LRRTM3: variants seen among roughly 807,000 people sequenced by gnomAD.
LRRTM3 encodes leucine rich repeat transmembrane neuronal 3, also known as leucine-rich repeat transmembrane neuronal protein 3.
In LRRTM3, 24 loss-of-function variants were observed where a neutral mutation model predicts 44.7. The observed-to-expected ratio is 0.54, with a 90% CI of 0.39 to 0.76. LRRTM3 has a LOEUF of 0.76. Ranked by LOEUF, LRRTM3 falls within the 30% of genes least tolerant of loss-of-function variation. The pLI is 0.00. For missense variants in LRRTM3, 587 were observed against 702.2 expected (o/e 0.84, Z 1.85); for synonymous variants, 277 against 278.7 (o/e 0.99, Z 0.06).
intron 2 of LRRTM3, among the ~76,000 whole-genome samples, chr10:67,025,715 C>T (rs1363176381): frequency 6.6e-6 from 1 of 152,080 alleles, no homozygotes; most frequent in Non-Finnish European, 1.5e-5. Flanking sequence ...TTCTTAGTTA[C>T]ATTTTGAAAA....
At chr10:67,025,387 C>G (rs1230094787) in intron 2 of LRRTM3, among the ~76,000 whole-genome samples, 1 of 151,548 alleles carries the variant, frequency 6.6e-6, no homozygotes, top group Admixed American at 6.6e-5. Flanking sequence ...GGCCACATAT[C>G]CAACTTTTTA....
intron 2 of LRRTM3, among the ~76,000 whole-genome samples, chr10:67,047,357 T>A (rs1854818343): frequency 6.6e-6 from 1 of 152,158 alleles, no homozygotes; most frequent in Non-Finnish European, 1.5e-5. Flanking sequence ...AGACTGTGTC[T>A]GTTAAATAAT....
At chr10:67,067,982 C>A (rs1021677208) in intron 2 of LRRTM3, among the ~76,000 whole-genome samples, 7 of 152,096 alleles carry the variant, frequency 4.6e-5, no homozygotes, top group Non-Finnish European at 7.3e-5. Flanking sequence ...CACATTTAAA[C>A]CAAGTGTCAA....
intron 2 of LRRTM3, among the ~76,000 whole-genome samples, chr10:67,006,547 A>G (rs1852003632): frequency 2.8e-5 from 1 of 35,870 alleles, no homozygotes; most frequent in Admixed American, 2.3e-4. Context: ...CTATTCTCTT[A>G]TAACTTCAAC....
intron 2 of LRRTM3, among the ~76,000 whole-genome samples, chr10:66,941,526 TTGAATC>T (rs1214420140): frequency 2.0e-5 from 3 of 152,144 alleles, no homozygotes; most frequent in Non-Finnish European, 4.4e-5. Context: ...TGTATGGAAT[TTGAATC>T]TGACAAACAA....
At chr10:67,071,288 T>A (rs1357491800) in intron 2 of LRRTM3, among the ~76,000 whole-genome samples, 1 of 151,602 alleles carries the variant, frequency 6.6e-6, no homozygotes, top group Admixed American at 6.6e-5. Flanking sequence ...GCAGGCCTCA[T>A]ACTGATTAAT....
intron 2 of LRRTM3, among the ~76,000 whole-genome samples, chr10:67,092,759 T>C (rs1039978626): frequency 1.3e-5 from 2 of 152,022 alleles, no homozygotes; most frequent in African/African-American, 4.8e-5. Context: ...GAAAGGTACA[T>C]AGCATTGATG....
At position 67,074,034 on chromosome 10, in the gene LRRTM3, C is replaced by CTTTTTTTTTTTT. The variant is rs35411851; in HGVS notation, c.1537-23544_1537-23533dup. ...ATAATGCCAAGTAGCCATTTTAACT[C>CTTTTTTTTTTTT]TTTTTTTTTTTTTTTTTTTTGAGAC... On this transcript the variant is annotated intron_variant, in intron 2 of 2. Transcript: ENST00000361320. Among the ~76,000 whole-genome samples the CTTTTTTTTTTTT allele has an allele frequency of 1.8e-5, 2 of 109,436 alleles. 1 individual carries two copies. Among genetic ancestry groups the CTTTTTTTTTTTT allele is most frequent in the Non-Finnish European group, 3.5e-5 (2 of 56,792 alleles). The allele number at this position is 109,436 out of a possible 152,430, so 71.8% of individuals were successfully genotyped here. A position where few individuals can be genotyped will look rare whatever the true frequency, so the allele number is the denominator to read the frequency against.
At chr10:67,038,577 T>C (rs1854207429) in intron 2 of LRRTM3, among the ~76,000 whole-genome samples, 1 of 152,084 alleles carries the variant, frequency 6.6e-6, no homozygotes, top group African/African-American at 2.4e-5. Context: ...GCTCAATGCT[T>C]TGAAGAATAC....
At chr10:66,946,656 C>T (rs565189216) in intron 2 of LRRTM3, among the ~76,000 whole-genome samples, 17 of 152,188 alleles carry the variant, frequency 1.1e-4, no homozygotes, top group African/African-American at 3.1e-4. Flanking sequence ...TTTTGAGTCT[C>T]ACTTATTTCT....
rs562901317 is a variant in LRRTM3 at position 67,031,789 on chromosome 10, T to G, written c.1537-65798T>G. Among the ~76,000 whole-genome samples the G allele has an allele frequency of 2.0e-4, 31 of 152,290 alleles. No homozygotes were observed. The East Asian group carries it at 6.0e-3, about 29-fold the overall frequency. On this transcript the variant is annotated intron_variant, in intron 2 of 2. Coordinates refer to ENST00000361320, the MANE Select transcript of LRRTM3 (RefSeq NM_178011.5). ...AGTGAGAATTACTCTGTTCTTAGAGTTCTGCAATGTCACAAGATCATAAAA... is the reference window on the plus strand; with the variant it reads ...AGTGAGAATTACTCTGTTCTTAGAGGTCTGCAATGTCACAAGATCATAAAA...
At chr10:67,001,178 G>A (rs916450670) in intron 2 of LRRTM3, among the ~76,000 whole-genome samples, 1 of 151,474 alleles carries the variant, frequency 6.6e-6, no homozygotes, top group East Asian at 2.0e-4. Flanking sequence ...GTGTGTGCCT[G>A]TAATCCCAGC....
chr10:67,077,997 A>G (rs1188795707), intron 2 of LRRTM3, among the ~76,000 whole-genome samples: 4 of 152,206 alleles, frequency 2.6e-5, no homozygotes, highest in Non-Finnish European at 4.4e-5. Flanking sequence ...ATGTGTAACT[A>G]TCTGTTACTT....
chr10:66,963,921 A>C (rs7910104), intron 2 of LRRTM3, among the ~76,000 whole-genome samples: 107,354 of 151,304 alleles, frequency 0.71, 38,440 homozygotes, highest in East Asian at 0.97. Context: ...CGGTTCACTG[A>C]AACCTCCAAC....
chr10:66,980,106 T>C (rs1850327341), intron 2 of LRRTM3, among the ~76,000 whole-genome samples: 1 of 152,160 alleles, frequency 6.6e-6, no homozygotes, highest in African/African-American at 2.4e-5. Context: ...TATTTCCTGG[T>C]TACTAATCAA....
At chr10:66,947,508 CTT>C (rs1848334862) in intron 2 of LRRTM3, among the ~76,000 whole-genome samples, 1 of 152,106 alleles carries the variant, frequency 6.6e-6, no homozygotes, top group Non-Finnish European at 1.5e-5. Flanking sequence ...AGCCTGCCCT[CTT>C]TGTTTCCCCC....
intron 2 of LRRTM3, among the ~76,000 whole-genome samples, chr10:67,021,534 TA>T (rs1554899329): frequency 1.3e-5 from 2 of 152,010 alleles, no homozygotes; most frequent in African/African-American, 2.4e-5. Flanking sequence ...AAAATTACAA[TA>T]AAAAATTTGA....
intron 2 of LRRTM3, among the ~76,000 whole-genome samples, chr10:67,074,355 T>C (rs999304478): frequency 7.5e-6 from 1 of 133,330 alleles, no homozygotes; most frequent in African/African-American, 2.9e-5. Context: ...TTTTTTTTTT[T>C]TTTTTTTTTT....
At chr10:67,008,713 A>G (rs1404276445) in intron 2 of LRRTM3, among the ~76,000 whole-genome samples, 1 of 152,192 alleles carries the variant, frequency 6.6e-6, no homozygotes, top group African/African-American at 2.4e-5. Context: ...TGCTCCATGT[A>G]GTCTTTCATC....
Sources: gnomAD v4.1 joint callset for allele counts (sites outside exome capture counted in the v4.1 genomes callset) on GRCh38, gnomAD v4.1.1 for gene constraint, MANE v1.5 for transcripts, NCBI Gene and HGNC (gene_info 2026-07-23, HGNC 2026-07-21) for gene names.